The following GRIN2A variants were observed in gnomAD, a reference collection of about 807,000 sequenced individuals.
The protein encoded by GRIN2A is glutamate ionotropic receptor NMDA type subunit 2A.
A neutral mutation model predicts 113.4 loss-of-function variants in GRIN2A; 22 were observed. That is an observed-to-expected ratio of 0.19 (90% confidence interval 0.14 to 0.28). The LOEUF is 0.28. Ranked by LOEUF, GRIN2A falls within the 10% of genes least tolerant of loss-of-function variation. The probability of loss-of-function intolerance (pLI) is 1.00; values close to 1 mark genes in which losing one functional copy is unlikely to be tolerated. For synonymous variants in GRIN2A, 827 were observed against 738.4 expected (o/e 1.12, Z -1.94); for missense variants, 1,502 against 1,887.0 (o/e 0.80, Z 3.78).
At chr16:10,020,276 G>A (rs991048242) in intron 2 of GRIN2A, among the ~76,000 whole-genome samples, 1 of 152,094 alleles carries the variant, frequency 6.6e-6, no homozygotes, top group African/African-American at 2.4e-5. Context: ...CAGGGCATGG[G>A]GCGTGGGGCA....
Position 9,986,946 on chromosome 16 carries a change from T to G in GRIN2A, c.415-48395A>C, listed in dbSNP as rs528337097. On this transcript the variant is annotated intron_variant, in intron 2 of 12. Coordinates refer to ENST00000330684, the MANE Select transcript of GRIN2A (RefSeq NM_001134407.3). ...TAGCATCAAAATCACCCTAATGAGCTTTTCAGTGTGCATATACCCGAGTTT... is the reference window on the plus strand; with the variant it reads ...TAGCATCAAAATCACCCTAATGAGCGTTTCAGTGTGCATATACCCGAGTTT... Among the ~76,000 whole-genome samples the G allele has an allele frequency of 5.2e-3, 791 of 152,246 alleles. 9 individuals are homozygous for G. Among genetic ancestry groups the G allele is most frequent in the African/African-American group, 0.018 (754 of 41,544 alleles).
intron 2 of GRIN2A, among the ~76,000 whole-genome samples, chr16:9,950,700 G>T (rs2045159065): frequency 6.6e-6 from 1 of 152,202 alleles, no homozygotes; most frequent in Non-Finnish European, 1.5e-5. Flanking sequence ...AAGGCGCAAG[G>T]ATTTTGGAAT....
intron 2 of GRIN2A, among the ~76,000 whole-genome samples, chr16:10,125,923 C>G (rs1039210198): frequency 5.3e-5 from 8 of 152,064 alleles, no homozygotes; most frequent in African/African-American, 1.9e-4. Context: ...GTCTGACACA[C>G]TCACACCTGC....
intron 3 of GRIN2A, among the ~76,000 whole-genome samples, chr16:9,907,936 GCA>G (rs1378604956): frequency 2.0e-5 from 3 of 152,194 alleles, no homozygotes; most frequent in Non-Finnish European, 4.4e-5. Context: ...CCTCACCCCT[GCA>G]CAGTGTCTGG....
intron 5 of GRIN2A, among the ~76,000 whole-genome samples, chr16:9,843,533 A>C (rs1258216047): frequency 6.6e-6 from 1 of 152,186 alleles, no homozygotes; most frequent in Non-Finnish European, 1.5e-5. Context: ...TGGGTTGTAA[A>C]TGACACCTGC....
chr16:9,811,903 C>T (rs28661738), intron 10 of GRIN2A, among the ~76,000 whole-genome samples: 1,767 of 152,258 alleles, frequency 0.012, 38 homozygotes, highest in African/African-American at 0.04. Flanking sequence ...AGAAGAAATT[C>T]ATTTCCTCCA....
chr16:9,962,188 G>A (rs1596366174), intron 2 of GRIN2A, among the ~76,000 whole-genome samples: 1 of 152,142 alleles, frequency 6.6e-6, no homozygotes, highest in African/African-American at 2.4e-5. Context: ...ATACCATTCA[G>A]GACATAGGCA....
At chr16:10,100,346 G>T (rs1024045130) in intron 2 of GRIN2A, among the ~76,000 whole-genome samples, 4 of 152,240 alleles carry the variant, frequency 2.6e-5, no homozygotes, top group African/African-American at 9.6e-5. Flanking sequence ...AAAGATGCTT[G>T]TGCAAAGGAG....
chr16:10,053,692 C>G (rs936465601), intron 2 of GRIN2A, among the ~76,000 whole-genome samples: 1 of 152,198 alleles, frequency 6.6e-6, no homozygotes, highest in Non-Finnish European at 1.5e-5. Context: ...TTACAACGTC[C>G]TTCTGTTGTC....
intron 2 of GRIN2A, among the ~76,000 whole-genome samples, chr16:10,172,277 A>G (rs1265200736): frequency 6.6e-6 from 1 of 152,158 alleles, no homozygotes; most frequent in African/African-American, 2.4e-5. Context: ...TTCCAACTCA[A>G]GTTGATTCAT....
chr16:9,894,242 A>G (rs1362076429), intron 3 of GRIN2A, among the ~76,000 whole-genome samples: 5 of 152,184 alleles, frequency 3.3e-5, no homozygotes, highest in Non-Finnish European at 2.9e-5. Context: ...GAGTCTGCAG[A>G]GGATCCCTGA....
chr16:9,988,617 A>G (rs2046034891), intron 2 of GRIN2A, among the ~76,000 whole-genome samples: 1 of 152,098 alleles, frequency 6.6e-6, no homozygotes, highest in African/African-American at 2.4e-5. Context: ...AGCATCTTCC[A>G]TATGCCAGGC....
intron 4 of GRIN2A, among the ~76,000 whole-genome samples, chr16:9,860,010 T>C (rs2043038134): frequency 6.6e-6 from 1 of 151,258 alleles, no homozygotes; most frequent in Admixed American, 6.6e-5. Context: ...CCCTAGAGTT[T>C]CCAGTCTCGG....
intron 4 of GRIN2A, among the ~76,000 whole-genome samples, chr16:9,864,317 T>C (rs2043124207): frequency 1.3e-5 from 2 of 152,152 alleles, no homozygotes; most frequent in African/African-American, 4.8e-5. Flanking sequence ...ACTGTGATCC[T>C]GGGCTGACAG....
chr16:10,040,499 A>C lies in GRIN2A; in HGVS notation c.415-101948T>G, dbSNP rs562542930. Among the ~76,000 whole-genome samples, 212 of 151,930 alleles carry C rather than the reference A, an allele frequency of 1.4e-3. 1 individual carries two copies. The highest frequency in any genetic ancestry group is 5.4e-3 in the Admixed American group (82 of 15,260). ...ATACATGAACACACATTCACACCACACATCCACACCACAAACACACATCCA... is the reference window on the plus strand; with the variant it reads ...ATACATGAACACACATTCACACCACCCATCCACACCACAAACACACATCCA... On this transcript the variant is annotated intron_variant, in intron 2 of 12. Transcript: ENST00000330684.
At chr16:9,898,568 C>T (rs2043853340) in intron 3 of GRIN2A, among the ~76,000 whole-genome samples, 1 of 152,164 alleles carries the variant, frequency 6.6e-6, no homozygotes, top group African/African-American at 2.4e-5. Context: ...GCCACCATAA[C>T]CCATTTAGTG....
chr16:9,789,450 C>G (rs759158287), intron 11 of GRIN2A, among the ~76,000 whole-genome samples: 37 of 152,186 alleles, frequency 2.4e-4, no homozygotes, highest in South Asian at 8.3e-4. Flanking sequence ...ACCATGAGTT[C>G]TGACTTATGT....
intron 3 of GRIN2A, among the ~76,000 whole-genome samples, chr16:9,918,292 T>G (rs952712123): frequency 3.3e-5 from 5 of 152,214 alleles, no homozygotes; most frequent in African/African-American, 1.2e-4. Flanking sequence ...AGATCCCCAG[T>G]GGATGCCTGA....
chr16:9,767,457 GGTTT>G (rs1900988764), intron 12 of GRIN2A, among the ~76,000 whole-genome samples: 1 of 151,972 alleles, frequency 6.6e-6, no homozygotes, highest in Admixed American at 6.5e-5. Context: ...ACAACGTGCA[GGTTT>G]GTTACATATG....
Sources: gnomAD v4.1 joint callset for allele counts (sites outside exome capture counted in the v4.1 genomes callset) on GRCh38, gnomAD v4.1.1 for gene constraint, MANE v1.5 for transcripts, NCBI Gene and HGNC (gene_info 2026-07-23, HGNC 2026-07-21) for gene names.